Variants in EPHA3 observed in about 807,000 individuals in gnomAD.
EPHA3 encodes the protein EPH receptor A3, also known as ephrin type-A receptor 3.
In EPHA3, 42 loss-of-function variants were observed where a neutral mutation model predicts 107.1. That is an observed-to-expected ratio of 0.39 (90% CI 0.31 to 0.51). The LOEUF (loss-of-function observed/expected upper bound fraction) is 0.51. EPHA3 is among the 20% of genes least tolerant of loss of function. The probability of loss-of-function intolerance (pLI) is 0.78; values close to 1 mark genes in which losing one functional copy is unlikely to be tolerated. For synonymous variants in EPHA3, 461 were observed against 424.8 expected (o/e 1.09, Z -1.05); for missense variants, 1,183 against 1,211.2 (o/e 0.98, Z 0.35).
chr3:89,176,233 G>A (rs1284567360), intron 2 of EPHA3, among the ~76,000 whole-genome samples: 1 of 152,036 alleles, frequency 6.6e-6, no homozygotes, highest in Non-Finnish European at 1.5e-5. Context: ...TGTAATCACA[G>A]CACTTCAGGA....
intron 5 of EPHA3, among the ~76,000 whole-genome samples, chr3:89,392,744 C>A (rs1708771101): frequency 6.6e-6 from 1 of 152,046 alleles, no homozygotes; most frequent in Non-Finnish European, 1.5e-5. Context: ...TAAAGAATTT[C>A]TATGAATTTG....
chr3:89,307,470 G>A (rs1706651074), intron 3 of EPHA3, among the ~76,000 whole-genome samples: 1 of 152,174 alleles, frequency 6.6e-6, no homozygotes, highest in Non-Finnish European at 1.5e-5. Context: ...TGTGGAAAAA[G>A]TCAAGAGGCT....
At chr3:89,404,954 A>T (rs777106283) in intron 7 of EPHA3, among the ~76,000 whole-genome samples, 11 of 152,178 alleles carry the variant, frequency 7.2e-5, no homozygotes, top group Non-Finnish European at 7.3e-5. Context: ...GAAATATTGG[A>T]TTAAGCTATT....
intron 1 of EPHA3, among the ~76,000 whole-genome samples, chr3:89,112,729 CA>C (rs1707143079): frequency 6.6e-6 from 1 of 151,634 alleles, no homozygotes; most frequent in African/African-American, 2.4e-5. Context: ...CTCAAATCAT[CA>C]AACTCGATAA....
At position 89,175,196 on chromosome 3, in the gene EPHA3, T is replaced by C. The variant is rs1705293470; in HGVS notation, c.154-34664T>C. Among the ~76,000 whole-genome samples the C allele has an allele frequency of 9.2e-5, 14 of 152,002 alleles. No homozygotes were observed. In the South Asian group the frequency reaches 2.9e-3, roughly 31 times the overall value. On this transcript the variant is annotated intron_variant, in intron 2 of 16. Coordinates refer to ENST00000336596, the MANE Select transcript of EPHA3 (RefSeq NM_005233.6). ...CCTTTTTATTTGATGTGATCCAAAA[T>C]AAAGCTGAAACAAATTGGGTCACAG... is the stretch of plus-strand genomic sequence containing the variant.
chr3:89,202,511 G>A (rs1705991049), intron 2 of EPHA3, among the ~76,000 whole-genome samples: 1 of 33,790 alleles, frequency 3.0e-5, no homozygotes, highest in African/African-American at 1.0e-4. Flanking sequence ...GCGAGACTCT[G>A]TCTCAAAAAA....
chr3:89,285,548 G>T (rs1706062103), intron 3 of EPHA3, among the ~76,000 whole-genome samples: 1 of 152,184 alleles, frequency 6.6e-6, no homozygotes, highest in African/African-American at 2.4e-5. Flanking sequence ...CTACTAAAAA[G>T]GTGACATTTG....
intron 3 of EPHA3, among the ~76,000 whole-genome samples, chr3:89,219,864 ACG>A (rs1559606537): frequency 6.8e-6 from 1 of 146,104 alleles, no homozygotes; most frequent in East Asian, 2.0e-4. Context: ...GCCCGCCACT[ACG>A]CCCGGCTAAT....
chr3:89,414,259 G>A (rs1297353365), intron 10 of EPHA3, among the ~76,000 whole-genome samples: 1 of 151,610 alleles, frequency 6.6e-6, no homozygotes, highest in Non-Finnish European at 1.5e-5. Context: ...GGACAATCTT[G>A]TAAATATAAT....
rs1710604706 is a variant in EPHA3 at position 89,480,626 on chromosome 3, A to AG, written c.*1124_*1125insG. The AG allele has an allele frequency of 1.3e-5, 3 of 232,740 alleles. No individual in the cohort carries two copies. The Admixed American group carries it at 1.7e-4, about 13-fold the overall frequency. The allele number at this position is 232,740 out of a possible 1,614,324, so 14.4% of individuals were successfully genotyped here. The stretch of plus-strand genomic sequence containing the variant: ...TATAGGCCAATGCATGAGTAAAAAA[A>AG]AAAACAATTACTGGCTCACTGGCTT... On this transcript the variant is annotated 3_prime_UTR_variant, in exon 17 of 17. Coordinates refer to ENST00000336596, the MANE Select transcript of EPHA3 (RefSeq NM_005233.6).
intron 3 of EPHA3, among the ~76,000 whole-genome samples, chr3:89,335,064 A>G (rs1205510887): frequency 6.6e-6 from 1 of 152,198 alleles, no homozygotes; most frequent in Non-Finnish European, 1.5e-5. Flanking sequence ...TCCTTTTTAA[A>G]AGCTGGGATT....
chr3:89,471,219 T>G (rs1253102760), intron 15 of EPHA3, among the ~76,000 whole-genome samples: 1 of 152,098 alleles, frequency 6.6e-6, no homozygotes, highest in African/African-American at 2.4e-5. Context: ...ACAGTCTGCT[T>G]CTTTTGCCTC....
intron 3 of EPHA3, among the ~76,000 whole-genome samples, chr3:89,227,818 T>C (rs546077358): frequency 5.9e-5 from 9 of 152,122 alleles, no homozygotes; most frequent in Middle Eastern, 3.4e-3. Flanking sequence ...TAACGTTCCA[T>C]GTCCAAGAAT....
chr3:89,359,879 G>T (rs1350411078), intron 5 of EPHA3, among the ~76,000 whole-genome samples: 2 of 144,566 alleles, frequency 1.4e-5, no homozygotes, highest in African/African-American at 5.1e-5. Context: ...TGGCCTGAGG[G>T]AATTGTTGCC....
chr3:89,277,237 C>T (rs1471012981), intron 3 of EPHA3, among the ~76,000 whole-genome samples: 1 of 152,078 alleles, frequency 6.6e-6, no homozygotes, highest in Non-Finnish European at 1.5e-5. Context: ...ATTAAAAATG[C>T]ATACTGTAAT....
At chr3:89,474,569 A>G (rs1710468515) in intron 16 of EPHA3, among the ~76,000 whole-genome samples, 1 of 152,238 alleles carries the variant, frequency 6.6e-6, no homozygotes, top group African/African-American at 2.4e-5. Flanking sequence ...TTCAAAGGCA[A>G]AGTTATGCAA....
intron 3 of EPHA3, among the ~76,000 whole-genome samples, chr3:89,219,955 G>A (rs1269152700): frequency 2.0e-5 from 3 of 151,058 alleles, no homozygotes; most frequent in African/African-American, 2.4e-5. Flanking sequence ...TGATCCGCCC[G>A]CCTCGGCCTC....
chr3:89,111,243 AAAAT>A (rs1264606462), intron 1 of EPHA3, among the ~76,000 whole-genome samples: 2 of 152,090 alleles, frequency 1.3e-5, no homozygotes, highest in African/African-American at 2.4e-5. Context: ...AATGTTGGAG[AAAAT>A]AAATAATCAA....
At chr3:89,148,658 A>C (rs2107036382) in intron 2 of EPHA3, among the ~76,000 whole-genome samples, 1 of 152,122 alleles carries the variant, frequency 6.6e-6, no homozygotes, top group Non-Finnish European at 1.5e-5. Flanking sequence ...ATAATAAAAC[A>C]AAAATGGCTA....
Sources: allele counts gnomAD v4.1 joint callset (sites outside exome capture counted in the v4.1 genomes callset), GRCh38; gene constraint gnomAD v4.1.1; transcripts MANE v1.5; gene names NCBI Gene and HGNC (gene_info 2026-07-23, HGNC 2026-07-21).